The following CACNG5 variants were observed in gnomAD, a reference collection of about 807,000 sequenced individuals.
CACNG5 encodes the protein calcium voltage-gated channel auxiliary subunit gamma 5.
In CACNG5, 18 loss-of-function variants were observed where a neutral mutation model predicts 24.8. The ratio of observed to expected loss-of-function variants is 0.73; its 90% CI spans 0.50 to 1.08. CACNG5 has a LOEUF of 1.08. Among genes scored for constraint, CACNG5 ranks in the 50% least tolerant of loss-of-function variants. The pLI is 0.00. For missense variants in CACNG5, 349 were observed against 367.9 expected (o/e 0.95, Z 0.42); for synonymous variants, 157 against 149.1 (o/e 1.05, Z -0.39).
chr17:66,864,484 T>C (rs916902419), intron 1 of CACNG5, among the ~76,000 whole-genome samples: 1 of 152,252 alleles, frequency 6.6e-6, no homozygotes, highest in African/African-American at 2.4e-5. Flanking sequence ...TCTTCAGTTA[T>C]TGACCTCTAA....
chr17:66,864,390 G>A (rs1238237235), intron 1 of CACNG5, among the ~76,000 whole-genome samples: 1 of 152,210 alleles, frequency 6.6e-6, no homozygotes, highest in Non-Finnish European at 1.5e-5. Context: ...CTGCCTCTCA[G>A]ACTCTCATTC....
At position 66,886,880 on chromosome 17, in the gene CACNG5, A is replaced by G. The variant is rs1012755220; in HGVS notation, c.*1640A>G. The stretch of plus-strand genomic sequence containing the variant: ...TCTGAGGCCTCTGTCCTTGGCTTGC[A>G]GACGGCTACCTTCCCGCTGTGTCCT... On this transcript the variant is annotated 3_prime_UTR_variant, in exon 6 of 6. Transcript: ENST00000533854. 2.6e-5 allele frequency among the ~76,000 whole-genome samples: 4 copies of G among 152,192 alleles called. No individual in the cohort carries two copies. Among genetic ancestry groups the G allele is most frequent in the African/African-American group, 7.2e-5 (3 of 41,446 alleles).
At chr17:66,837,116 T>A (rs1598040875) in intron 1 of CACNG5, among the ~76,000 whole-genome samples, 1 of 152,172 alleles carries the variant, frequency 6.6e-6, no homozygotes. Context: ...TCAAGTAAGG[T>A]CATGAATGAA....
chr17:66,877,040 C>A (rs1977088281), intron 1 of CACNG5, among the ~76,000 whole-genome samples, 190 bp from the exon 2 acceptor site: 1 of 152,048 alleles, frequency 6.6e-6, no homozygotes, highest in Non-Finnish European at 1.5e-5. Context: ...AAGGGGACTC[C>A]CAGAGAGGAC....
intron 1 of CACNG5, among the ~76,000 whole-genome samples, chr17:66,875,220 C>A (rs142784087): frequency 2.0e-5 from 3 of 152,150 alleles, no homozygotes; most frequent in Non-Finnish European, 2.9e-5. Context: ...TTACTAGATA[C>A]TCATGCTAGA....
At chr17:66,853,363 G>A (rs1481376417) in intron 1 of CACNG5, among the ~76,000 whole-genome samples, 1 of 152,178 alleles carries the variant, frequency 6.6e-6, no homozygotes, top group Non-Finnish European at 1.5e-5. Context: ...GTTCCACCTA[G>A]GAGTAGAATT....
At chr17:66,851,225 G>A (rs760221353) in intron 1 of CACNG5, among the ~76,000 whole-genome samples, 56 of 152,112 alleles carry the variant, frequency 3.7e-4, no homozygotes, top group Admixed American at 1.7e-3. Context: ...AGTTTCTAAC[G>A]CCCCCCAGGG....
At position 66,885,270 on chromosome 17, in the gene CACNG5, G is replaced by T; in HGVS notation, c.*30G>T. 6.5e-7 allele frequency: 1 copy of T among 1,541,166 alleles called. No individual in the cohort carries two copies. Among genetic ancestry groups the T allele is most frequent in the Non-Finnish European group, 8.7e-7 (1 of 1,150,382 alleles). On this transcript the variant is annotated 3_prime_UTR_variant, in exon 6 of 6. Coordinates refer to ENST00000533854, the MANE Select transcript of CACNG5 (RefSeq NM_145811.3). Reference sequence around the variant, plus strand: ...CGGCCGCCCCCATCCCTGGACTGTGGGTGGCCAGACAACCCTTCCTGTTCT... The same window carrying T: ...CGGCCGCCCCCATCCCTGGACTGTGTGTGGCCAGACAACCCTTCCTGTTCT...
At chr17:66,860,412 C>A (rs1197799962) in intron 1 of CACNG5, among the ~76,000 whole-genome samples, 1 of 152,066 alleles carries the variant, frequency 6.6e-6, no homozygotes, top group East Asian at 1.9e-4. Flanking sequence ...TCATCACACA[C>A]AAGGGAACTC....
rs201193956 is a variant in CACNG5 at position 66,880,603 on chromosome 17, C to T, written c.330C>T (p.Phe110=). The T allele has an allele frequency of 2.5e-6, 4 of 1,614,126 alleles. No individual in the cohort carries two copies. Among genetic ancestry groups the T allele is most frequent in the Non-Finnish European group, 3.4e-6 (4 of 1,180,036 alleles). The change falls in exon 4 of 6, where the codon TTC becomes TTT. Residue 110 remains phenylalanine (F), a synonymous_variant. Transcript: ENST00000533854. The stretch of plus-strand genomic sequence containing the variant: ...CATTCCCTCTGGTCAGCCTCTTCTT[C>T]ATGTTCATTGGGTTTATCCTGAACA... ...ATPFPLVSLF[F]MFIGFILNNI... is the part of the protein sequence containing the mutation.
At chr17:66,858,972 C>T (rs1976819571) in intron 1 of CACNG5, among the ~76,000 whole-genome samples, 1 of 152,204 alleles carries the variant, frequency 6.6e-6, no homozygotes, top group Admixed American at 6.5e-5. Flanking sequence ...CAAGGGCCAC[C>T]TTCCAGGGCC....
intron 1 of CACNG5, among the ~76,000 whole-genome samples, chr17:66,865,484 G>A (rs1976916153): frequency 6.6e-6 from 1 of 152,022 alleles, no homozygotes; most frequent in Non-Finnish European, 1.5e-5. Flanking sequence ...CAGAGCCCAG[G>A]TTCCAAATTC....
intron 1 of CACNG5, among the ~76,000 whole-genome samples, chr17:66,849,343 G>A (rs1040765965): frequency 6.6e-6 from 1 of 152,078 alleles, no homozygotes; most frequent in South Asian, 2.1e-4. Flanking sequence ...GACGGGAGGG[G>A]CAGAGGAGGA....
intron 1 of CACNG5, among the ~76,000 whole-genome samples, chr17:66,843,888 C>T (rs764480633): frequency 2.8e-4 from 42 of 151,414 alleles, no homozygotes; most frequent in Admixed American, 1.2e-3. Flanking sequence ...AGAGTACAAG[C>T]TGCTCCTGGA....
At chr17:66,878,737 G>A (rs1977118053) in intron 2 of CACNG5, among the ~76,000 whole-genome samples, 1 of 152,142 alleles carries the variant, frequency 6.6e-6, no homozygotes, top group Non-Finnish European at 1.5e-5. Context: ...CTTGGTGCTT[G>A]GGTCCATCCT....
At chr17:66,854,326 G>A (rs1976743171) in intron 1 of CACNG5, among the ~76,000 whole-genome samples, 1 of 151,874 alleles carries the variant, frequency 6.6e-6, no homozygotes, top group Non-Finnish European at 1.5e-5. Context: ...TACTTGGGAG[G>A]CTGAGGCAGG....
intron 1 of CACNG5, among the ~76,000 whole-genome samples, chr17:66,842,061 G>A: frequency 6.7e-6 from 1 of 149,696 alleles, no homozygotes; most frequent in South Asian, 2.1e-4. Context: ...GAGGTTTAGG[G>A]GGGCTTCAAC....
chr17:66,852,297 T>C (rs1413486795), intron 1 of CACNG5, among the ~76,000 whole-genome samples: 1 of 152,196 alleles, frequency 6.6e-6, no homozygotes, highest in Non-Finnish European at 1.5e-5. Flanking sequence ...ACAGTGCTGT[T>C]ATACCTGAGT....
rs980545034 is a variant in CACNG5 at position 66,886,986 on chromosome 17, G to A, written c.*1746G>A. Reference sequence around the variant, plus strand: ...TCCTGGTGTCCAAGGACACCAGTCAGATTGGATTCGGGTCCATCCCCGATT... The same window carrying A: ...TCCTGGTGTCCAAGGACACCAGTCAAATTGGATTCGGGTCCATCCCCGATT... On this transcript the variant is annotated 3_prime_UTR_variant, in exon 6 of 6. Coordinates refer to ENST00000533854, the MANE Select transcript of CACNG5 (RefSeq NM_145811.3). Among the ~76,000 whole-genome samples, 1 of 152,154 alleles carries A rather than the reference G, an allele frequency of 6.6e-6. No homozygotes were observed. Among genetic ancestry groups the A allele is most frequent in the African/African-American group, 2.4e-5 (1 of 41,430 alleles).
Sources: gnomAD v4.1 joint callset for allele counts (sites outside exome capture counted in the v4.1 genomes callset) on GRCh38, gnomAD v4.1.1 for gene constraint, MANE v1.5 for transcripts, NCBI Gene and HGNC (gene_info 2026-07-23, HGNC 2026-07-21) for gene names.